Variants in SEC14L2 observed in about 807,000 individuals in gnomAD.
SEC14L2 encodes the protein SEC14-like protein 2.
SEC14L2 carries 50 observed loss-of-function variants against 56.9 expected under a neutral mutation model. The observed-to-expected ratio is 0.88, with a 90% CI of 0.70 to 1.11. SEC14L2 has a LOEUF of 1.11. Among genes scored for constraint, SEC14L2 ranks in the 50% most tolerant of loss-of-function variants. SEC14L2 has a pLI of 0.00. For synonymous variants in SEC14L2, 179 were observed against 188.5 expected (o/e 0.95, Z 0.41); for missense variants, 414 against 500.7 (o/e 0.83, Z 1.65).
chr22:30,411,877 G>T lies in SEC14L2; in HGVS notation c.664+1198G>T, dbSNP rs539773977. Reference sequence around the variant, plus strand: ...CACAAAGTGCATGGGAGCACTCAGCGGGAGCACCCACTCCACCTGAGCTAG... The same window carrying T: ...CACAAAGTGCATGGGAGCACTCAGCTGGAGCACCCACTCCACCTGAGCTAG... On this transcript the variant is annotated intron_variant, in intron 8 of 11. Coordinates refer to ENST00000615189, the MANE Select transcript of SEC14L2 (RefSeq NM_012429.5). Among the ~76,000 whole-genome samples, 3 of 152,202 alleles carry T rather than the reference G, an allele frequency of 2.0e-5. No individual in the cohort carries two copies. The East Asian group carries it at 5.8e-4, about 29-fold the overall frequency.
At chr22:30,397,955 CTT>C in intron 1 of SEC14L2, 1 of 463,122 alleles carries the variant, frequency 2.2e-6, no homozygotes. Flanking sequence ...AACTAAATCT[CTT>C]ATCTGTCACC....
chr22:30,422,254 G>A lies in SEC14L2; in HGVS notation c.1082-23G>A, dbSNP rs1452633393. On this transcript the variant is annotated intron_variant, in intron 11 of 11. Transcript: ENST00000615189. The stretch of plus-strand genomic sequence containing the variant: ...CTTTGCCAGAACTGCCTGAATGTCT[G>A]TCTGGTTTCTGCCTTCCCTCAGATG... 6.2e-6 allele frequency: 10 copies of A among 1,613,620 alleles called. No homozygotes were observed. In the Admixed American group the frequency reaches 1.3e-4, roughly 22 times the overall value.
intron 7 of SEC14L2, among the ~76,000 whole-genome samples, chr22:30,410,043 T>C (rs1000943325): frequency 2.0e-5 from 3 of 152,016 alleles, no homozygotes; most frequent in Admixed American, 6.6e-5. Context: ...ACTAAAAATA[T>C]GGAAATTAGC....
Position 30,409,258 on chromosome 22 carries a change from G to A in SEC14L2, c.495G>A (p.Lys165=). 6.2e-7 allele frequency: 1 copy of A among 1,613,794 alleles called. No homozygotes were observed. Among genetic ancestry groups the A allele is most frequent in the Non-Finnish European group, 8.5e-7 (1 of 1,179,986 alleles). Residue 165 remains lysine (K), a synonymous_variant, in exon 6 of 12, where the codon AAG becomes AAA. Coordinates refer to ENST00000615189, the MANE Select transcript of SEC14L2 (RefSeq NM_012429.5). ...CEGLGLKHLW[K]PAVEAYGEFL... The stretch of plus-strand genomic sequence containing the variant: ...GGCTTGGCCTCAAGCATCTCTGGAA[G>A]CCTGCTGTGGAGGCCTATGGAGAGG...
At chr22:30,418,950 A>T (rs754938099) in intron 11 of SEC14L2, among the ~76,000 whole-genome samples, 2 of 152,220 alleles carry the variant, frequency 1.3e-5, no homozygotes, top group African/African-American at 2.4e-5. Context: ...ATTACCAAGG[A>T]GGAAAACCAA....
In SEC14L2 at chr22:30,406,244, G is replaced by A. The variant is rs1057264814; in HGVS notation, c.131-98G>A. On this transcript the variant is annotated intron_variant, in intron 2 of 11. Coordinates refer to ENST00000615189, the MANE Select transcript of SEC14L2 (RefSeq NM_012429.5). ...GAGGGTTAGCTGGAGAGATGACTGA[G>A]AGGAACTGGCCCTATCATGGGAATA... The A allele has an allele frequency of 1.4e-5, 16 of 1,148,808 alleles. No homozygotes were observed. In the African/African-American group the frequency reaches 2.4e-4, roughly 17 times the overall value. 71.2% of individuals were successfully genotyped at this position (1,148,808 alleles called of 1,614,324 possible).
At chr22:30,410,000 C>A (rs1370393110) in intron 7 of SEC14L2, among the ~76,000 whole-genome samples, 1 of 152,206 alleles carries the variant, frequency 6.6e-6, no homozygotes, top group African/African-American at 2.4e-5. Context: ...GAGTTCAAGA[C>A]CAGCCTGGCC....
chr22:30,412,257 CAA>C (rs1051481575), intron 8 of SEC14L2, among the ~76,000 whole-genome samples: 1 of 151,524 alleles, frequency 6.6e-6, no homozygotes, highest in African/African-American at 2.4e-5. Context: ...TCTGTCTCTA[CAA>C]AAAAAAGTAA....
At chr22:30,403,770 G>A (rs958546131) in intron 2 of SEC14L2, among the ~76,000 whole-genome samples, 2 of 152,096 alleles carry the variant, frequency 1.3e-5, no homozygotes, top group East Asian at 1.9e-4. Flanking sequence ...TTGGGAGGCC[G>A]AGGCAGGTGG....
In SEC14L2 at chr22:30,411,761, A is replaced by AAAAAAAAAAAG. The variant is rs1555997934; in HGVS notation, c.664+1082_664+1083insAAAAAAAAAAG. On this transcript the variant is annotated intron_variant, in intron 8 of 11. Coordinates refer to ENST00000615189, the MANE Select transcript of SEC14L2 (RefSeq NM_012429.5). ...CCGTCTCAAAAAAAAAAAAAAAAAA[A>AAAAAAAAAAAG]GGGGTCCCTTGAAGGTCTTTTGGCC... Among the ~76,000 whole-genome samples, 151 of 142,734 alleles carry AAAAAAAAAAAG rather than the reference A, an allele frequency of 1.1e-3. 1 individual carries two copies. The highest frequency in any genetic ancestry group is 3.6e-3 in the African/African-American group (134 of 37,538). The allele number at this position is 142,734 out of a possible 152,430, so 93.6% of individuals were successfully genotyped here.
rs773864131 is a variant in SEC14L2 at position 30,409,199 on chromosome 22, G to A, written c.436G>A (p.Val146Met). ...CTGTTCCCTGCAGTTGGGGAGGAAG[G>A]TGGAGACCATCACCATAATTTATGA... ...AHQTTKLGRK[V>M]ETITIIYDCE... Residue 146 changes from valine to methionine, a missense_variant, in exon 6 of 12, where the codon GTG becomes ATG. Transcript: ENST00000615189. The A allele has an allele frequency of 1.2e-6, 2 of 1,614,044 alleles. No individual in the cohort carries two copies. The highest frequency in any genetic ancestry group is 1.7e-6 in the Non-Finnish European group (2 of 1,179,998).
At chr22:30,408,738 T>A (rs1934166175) in intron 5 of SEC14L2, among the ~76,000 whole-genome samples, 3 of 152,206 alleles carry the variant, frequency 2.0e-5, no homozygotes, top group African/African-American at 7.2e-5. Flanking sequence ...CATCTACAAA[T>A]GTTCACAGAG....
Position 30,407,037 on chromosome 22 carries a change from C to A in SEC14L2, c.175-58C>A, listed in dbSNP as rs368034705. ...AAAGTGCTGGGATTACAGGTGTGAA[C>A]CACCATGCCTGGCTGTCCATCCCTC... On this transcript the variant is annotated intron_variant, in intron 3 of 11. Transcript: ENST00000615189. The A allele has an allele frequency of 9.2e-4, 1,449 of 1,569,776 alleles. 13 individuals carry two copies. The highest frequency in any genetic ancestry group is 3.4e-4 in the Non-Finnish European group (392 of 1,142,344).
At chr22:30,397,969 C>T in intron 1 of SEC14L2, 1 of 450,232 alleles carries the variant, frequency 2.2e-6, no homozygotes, top group East Asian at 7.1e-5. Flanking sequence ...TCTGTCACCC[C>T]TGGGGAGTGA....
chr22:30,408,616 G>A (rs1409399353), intron 5 of SEC14L2, among the ~76,000 whole-genome samples: 1 of 152,168 alleles, frequency 6.6e-6, no homozygotes, highest in Non-Finnish European at 1.5e-5. Flanking sequence ...TTCCCTTACT[G>A]AGAAAAAGAC....
chr22:30,422,666 T>C lies in SEC14L2; in HGVS notation c.*259T>C. 1 of 376,382 alleles carries C rather than the reference T, an allele frequency of 2.7e-6. No homozygotes were observed. Among genetic ancestry groups the C allele is most frequent in the Non-Finnish European group, 4.8e-6 (1 of 207,086 alleles). 23.3% of individuals were successfully genotyped at this position (376,382 alleles called of 1,614,324 possible). A position where few individuals can be genotyped will look rare whatever the true frequency, so the allele number is the denominator to read the frequency against. On this transcript the variant is annotated 3_prime_UTR_variant, in exon 12 of 12. Transcript: ENST00000615189. ...TCCTGTAAACTGTGCCAACTTCACC[T>C]GTCCAGGGACAGCGAAGCTGGGGGT...
chr22:30,408,872 C>A (rs188608174), intron 5 of SEC14L2: 1 of 427,298 alleles, frequency 2.3e-6, no homozygotes, highest in Admixed American at 3.4e-5. Context: ...CTACGGGTAC[C>A]GTGCACAGAG....
chr22:30,409,503 T>C lies in SEC14L2; in HGVS notation c.580+17T>C, dbSNP rs775488972. The C allele has an allele frequency of 1.2e-6, 2 of 1,612,674 alleles. No individual in the cohort carries two copies. Among genetic ancestry groups the C allele is most frequent in the African/African-American group, 1.3e-5 (1 of 75,010 alleles). On this transcript the variant is annotated intron_variant, in intron 7 of 11. Coordinates refer to ENST00000615189, the MANE Select transcript of SEC14L2 (RefSeq NM_012429.5). ...TTGTTAAAGGTAAGTTGGGAATTTCTTGTGATAAAGCCAGATGGAAAAGAG... is the reference window on the plus strand; with the variant it reads ...TTGTTAAAGGTAAGTTGGGAATTTCCTGTGATAAAGCCAGATGGAAAAGAG...
rs145879735 is a variant in SEC14L2, at chr22:30,399,115, T to C, written c.55-528T>C. 5.0e-3 allele frequency among the ~76,000 whole-genome samples: 767 copies of C among 152,154 alleles called. 3 individuals are homozygous for C. Among genetic ancestry groups the C allele is most frequent in the African/African-American group, 0.018 (731 of 41,522 alleles). ...CTTGTTGTGGGGCAGGGGCAGTGTC[T>C]CACTCCCTTCCCACTTCCTGCCCTG... On this transcript the variant is annotated intron_variant, in intron 1 of 11. Transcript: ENST00000615189.
Sources: allele counts gnomAD v4.1 joint callset (sites outside exome capture counted in the v4.1 genomes callset), GRCh38; gene constraint gnomAD v4.1.1; transcripts MANE v1.5; gene names NCBI Gene and HGNC (gene_info 2026-07-23, HGNC 2026-07-21).